ADAMTS12: variants seen among roughly 807,000 people sequenced by gnomAD.
ADAMTS12 encodes the protein A disintegrin and metalloproteinase with thrombospondin motifs 12.
In ADAMTS12, 118 loss-of-function variants were observed where a neutral mutation model predicts 167.8. The observed-to-expected ratio is 0.70, with a 90% CI of 0.61 to 0.82. The LOEUF (loss-of-function observed/expected upper bound fraction) is 0.82. Ranked by LOEUF, ADAMTS12 falls within the 40% of genes least tolerant of loss-of-function variation. The pLI is 0.00. For synonymous variants in ADAMTS12, 704 were observed against 716.9 expected (o/e 0.98, Z 0.29); for missense variants, 1,916 against 1,998.8 (o/e 0.96, Z 0.79).
chr5:33,530,361 T>A (rs934699844), intron 23 of ADAMTS12, among the ~76,000 whole-genome samples: 3 of 152,246 alleles, frequency 2.0e-5, no homozygotes, highest in African/African-American at 7.2e-5. Context: ...GTGGGTGTTG[T>A]TCACTGGACC....
chr5:33,812,803 G>A (rs1324690088), intron 2 of ADAMTS12, among the ~76,000 whole-genome samples: 1 of 152,072 alleles, frequency 6.6e-6, no homozygotes, highest in Non-Finnish European at 1.5e-5. Flanking sequence ...TTTTCAATTT[G>A]GACTATTACT....
At chr5:33,744,038 A>G (rs529924631) in intron 3 of ADAMTS12, among the ~76,000 whole-genome samples, 10 of 152,356 alleles carry the variant, frequency 6.6e-5, no homozygotes, top group African/African-American at 2.4e-4. Context: ...TATAAAATGC[A>G]TCACAGACAG....
At chr5:33,546,243 G>A in intron 21 of ADAMTS12, 41 bp from the exon 22 acceptor site, 1 of 1,574,774 alleles carries the variant, frequency 6.4e-7, no homozygotes, top group Non-Finnish European at 8.6e-7. Context: ...AAGTCAGGTG[G>A]AGACATGTTT....
intron 2 of ADAMTS12, among the ~76,000 whole-genome samples, chr5:33,865,812 CCAA>C (rs770722273): frequency 2.6e-5 from 4 of 152,146 alleles, no homozygotes; most frequent in Non-Finnish European, 5.9e-5. Context: ...TTGCTATACA[CCAA>C]CAACGACCAA....
intron 6 of ADAMTS12, among the ~76,000 whole-genome samples, chr5:33,661,712 G>A (rs945471716): frequency 7.2e-5 from 11 of 152,218 alleles, no homozygotes; most frequent in African/African-American, 2.4e-4. Flanking sequence ...TTATTAACAA[G>A]GAGAGCTTTG....
intron 2 of ADAMTS12, among the ~76,000 whole-genome samples, chr5:33,829,199 T>G (rs1190429538): frequency 6.6e-6 from 1 of 152,154 alleles, no homozygotes; most frequent in African/African-American, 2.4e-5. Context: ...CTCATACTCA[T>G]GAGCTGTGCT....
chr5:33,891,697 T>A, intron 1 of ADAMTS12, 33 bp downstream of exon 1: 1 of 1,613,040 alleles, frequency 6.2e-7, no homozygotes, highest in Non-Finnish European at 8.5e-7. Context: ...TTACCACCAC[T>A]GTTTTAAAAA....
At chr5:33,874,033 A>G (rs1013388990) in intron 2 of ADAMTS12, among the ~76,000 whole-genome samples, 1 of 152,226 alleles carries the variant, frequency 6.6e-6, no homozygotes, top group East Asian at 1.9e-4. Flanking sequence ...CTGTTTAGAT[A>G]CAACATCAAA....
At chr5:33,864,309 A>G (rs1297579540) in intron 2 of ADAMTS12, among the ~76,000 whole-genome samples, 2 of 152,216 alleles carry the variant, frequency 1.3e-5, no homozygotes, top group African/African-American at 4.8e-5. Context: ...CACCAGTTAG[A>G]ATGGCCATCA....
chr5:33,888,872 T>C (rs1750742614), intron 1 of ADAMTS12, among the ~76,000 whole-genome samples: 1 of 152,230 alleles, frequency 6.6e-6, no homozygotes, highest in Admixed American at 6.5e-5. Context: ...CTGAGCAATG[T>C]GGAAAGAATA....
At chr5:33,705,752 T>C (rs1168348015) in intron 3 of ADAMTS12, among the ~76,000 whole-genome samples, 2 of 152,102 alleles carry the variant, frequency 1.3e-5, no homozygotes, top group African/African-American at 4.8e-5. Context: ...GAGATTGCAG[T>C]GAGCTGAGGT....
intron 3 of ADAMTS12, among the ~76,000 whole-genome samples, chr5:33,720,174 G>T (rs1463126103): frequency 6.6e-6 from 1 of 151,892 alleles, no homozygotes; most frequent in African/African-American, 2.4e-5. Flanking sequence ...GGACAATGGG[G>T]TTAAGAGAAA....
intron 14 of ADAMTS12, among the ~76,000 whole-genome samples, chr5:33,623,246 T>C (rs1739417873): frequency 6.6e-6 from 1 of 152,160 alleles, no homozygotes; most frequent in African/African-American, 2.4e-5. Context: ...TAGCAGACAC[T>C]GCCCCTCTCC....
At position 33,685,377 on chromosome 5, in the gene ADAMTS12, A is replaced by T. The variant is rs145324129; in HGVS notation, c.635-1322T>A. Among the ~76,000 whole-genome samples, 79 of 152,280 alleles carry T rather than the reference A, an allele frequency of 5.2e-4. 2 individuals are homozygous for T. In the Middle Eastern group the frequency reaches 0.014, roughly 26 times the overall value. On this transcript the variant is annotated intron_variant, in intron 3 of 23. Coordinates refer to ENST00000504830, the MANE Select transcript of ADAMTS12 (RefSeq NM_030955.4). Reference sequence around the variant, plus strand: ...TAGCTCTGGTCCTGTTCTCTGAAGCATCTAGGACTATACCTCCTCCTGAGG... The same window carrying T: ...TAGCTCTGGTCCTGTTCTCTGAAGCTTCTAGGACTATACCTCCTCCTGAGG...
In ADAMTS12 at chr5:33,823,208, G is replaced by A. The variant is rs920339522; in HGVS notation, c.489+57911C>T. 2.6e-5 allele frequency among the ~76,000 whole-genome samples: 4 copies of A among 152,056 alleles called. No homozygotes were observed. The South Asian group carries it at 8.3e-4, about 31-fold the overall frequency. On this transcript the variant is annotated intron_variant, in intron 2 of 23. Coordinates refer to ENST00000504830, the MANE Select transcript of ADAMTS12 (RefSeq NM_030955.4). ...TTCTGATACTTAATTATACACAACT[G>A]AGAGCTTTTCTCCCTGGGTGGCAAG...
intron 2 of ADAMTS12, among the ~76,000 whole-genome samples, chr5:33,847,152 C>T (rs1748974493): frequency 6.6e-6 from 1 of 152,164 alleles, no homozygotes; most frequent in African/African-American, 2.4e-5. Flanking sequence ...AGCACAAAGG[C>T]CCTGAGAGAA....
chr5:33,821,697 T>A (rs1263001229), intron 2 of ADAMTS12, among the ~76,000 whole-genome samples: 2 of 152,136 alleles, frequency 1.3e-5, no homozygotes, highest in Non-Finnish European at 2.9e-5. Context: ...ATTTTAAATT[T>A]AAAAAAATCA....
chr5:33,602,141 A>G (rs1738218576), intron 16 of ADAMTS12, among the ~76,000 whole-genome samples: 1 of 152,216 alleles, frequency 6.6e-6, no homozygotes, highest in South Asian at 2.1e-4. Flanking sequence ...ACCAACTGAG[A>G]AATTCCAGGC....
chr5:33,724,090 G>T (rs76028710), intron 3 of ADAMTS12, among the ~76,000 whole-genome samples: 1 of 152,166 alleles, frequency 6.6e-6, no homozygotes, highest in East Asian at 1.9e-4. Flanking sequence ...CTCCTATGCT[G>T]TTGACCAACA....
Sources: allele counts gnomAD v4.1 joint callset (sites outside exome capture counted in the v4.1 genomes callset), GRCh38; gene constraint gnomAD v4.1.1; transcripts MANE v1.5; gene names NCBI Gene and HGNC (gene_info 2026-07-23, HGNC 2026-07-21).